PITPNM2: variants seen among roughly 807,000 people sequenced by gnomAD.
PITPNM2 encodes phosphatidylinositol transfer protein membrane associated 2.
A neutral mutation model predicts 132.2 loss-of-function variants in PITPNM2; 35 were observed. That is an observed-to-expected ratio of 0.26 (90% CI 0.20 to 0.35). The LOEUF is 0.35. PITPNM2 is among the 10% of genes least tolerant of loss of function. PITPNM2 has a pLI of 1.00. For missense variants in PITPNM2, 1,332 were observed against 1,912.0 expected, an observed-to-expected ratio of 0.70 and a Z score of 5.66; for synonymous variants, 738 against 799.2, an observed-to-expected ratio of 0.92 and a Z score of 1.29.
chr12:123,137,893 A>AG (rs1449665069), intron 1 of PITPNM2, among the ~76,000 whole-genome samples: 2 of 32,022 alleles, frequency 6.2e-5, no homozygotes, highest in Non-Finnish European at 4.4e-4. Flanking sequence ...ATTCTGTCTC[A>AG]AAAAAAAAAA....
chr12:123,017,095 G>A (rs1409698210), intron 3 of PITPNM2, among the ~76,000 whole-genome samples: 2 of 150,718 alleles, frequency 1.3e-5, no homozygotes, highest in Non-Finnish European at 2.9e-5. Context: ...AGCAGGGCAG[G>A]CATGGTGGCT....
chr12:123,044,832 G>A (rs2040601820), intron 2 of PITPNM2, among the ~76,000 whole-genome samples: 1 of 152,124 alleles, frequency 6.6e-6, no homozygotes, highest in South Asian at 2.1e-4. Flanking sequence ...ACCCAGGCTA[G>A]ATAGAACACA....
At chr12:122,991,552 C>G (rs73411015) in intron 16 of PITPNM2, among the ~76,000 whole-genome samples, 6,544 of 152,288 alleles carry the variant, frequency 0.043, 462 homozygotes, top group African/African-American at 0.15. Context: ...TTTGCTTTGG[C>G]TCTGCCCTGC....
chr12:123,050,263 G>A (rs2040815563), intron 2 of PITPNM2, among the ~76,000 whole-genome samples: 1 of 152,188 alleles, frequency 6.6e-6, no homozygotes, highest in Admixed American at 6.5e-5. Flanking sequence ...CAGCCCAAAT[G>A]CCCTTAGTAT....
Position 123,078,662 on chromosome 12 carries a change from C to T in PITPNM2, c.-96+31723G>A, listed in dbSNP as rs745547360. 6.6e-6 allele frequency among the ~76,000 whole-genome samples: 1 copy of T among 152,196 alleles called. No homozygotes were observed. Among genetic ancestry groups the T allele is most frequent in the Non-Finnish European group, 1.5e-5 (1 of 68,042 alleles). On this transcript the variant is annotated intron_variant, in intron 2 of 25. Coordinates refer to ENST00000320201, the MANE Select transcript of PITPNM2 (RefSeq NM_020845.3). This position sits in a 1 kb window ranked among gnomAD's most constrained non-coding sequence, Gnocchi z 7.3. The stretch of plus-strand genomic sequence containing the variant: ...GGGATACCCACCTATGGAAGGGCTC[C>T]GATGGCCCAGTGCCACCCATGTGGG...
intron 1 of PITPNM2, among the ~76,000 whole-genome samples, chr12:123,134,468 G>C (rs1164478301): frequency 6.6e-6 from 1 of 152,112 alleles, no homozygotes; most frequent in Non-Finnish European, 1.5e-5. Context: ...CAGGGTCCTG[G>C]ACAAATGGGC....
At chr12:123,138,291 T>C (rs1325315501) in intron 1 of PITPNM2, among the ~76,000 whole-genome samples, 1 of 151,508 alleles carries the variant, frequency 6.6e-6, no homozygotes, top group African/African-American at 2.4e-5. Flanking sequence ...TGCAAAAAAA[T>C]ACAAAAATTA....
chr12:123,067,013 T>G (rs1020743418), intron 2 of PITPNM2, among the ~76,000 whole-genome samples: 1 of 152,208 alleles, frequency 6.6e-6, no homozygotes, highest in African/African-American at 2.4e-5. Flanking sequence ...CCTCCCCAAA[T>G]TCACATCTAA....
In PITPNM2 at chr12:123,099,965, T is replaced by C. The variant is rs899628804; in HGVS notation, c.-96+10420A>G. Among the ~76,000 whole-genome samples the C allele has an allele frequency of 2.0e-5, 3 of 152,190 alleles. No individual in the cohort carries two copies. The highest frequency in any genetic ancestry group is 4.4e-5 in the Non-Finnish European group (3 of 68,036). On this transcript the variant is annotated intron_variant, in intron 2 of 25. Transcript: ENST00000320201. The surrounding 1 kb of genome is among the most constrained non-coding windows in gnomAD (Gnocchi z 4.2). Reference sequence around the variant, plus strand: ...GAGCACCCAGGTGTGCAGGCATCCATGCCCGGGGGAAGTAAGAATTGCAGG... The same window carrying C: ...GAGCACCCAGGTGTGCAGGCATCCACGCCCGGGGGAAGTAAGAATTGCAGG...
chr12:123,118,468 G>A (rs2042971284), intron 1 of PITPNM2, among the ~76,000 whole-genome samples: 1 of 152,210 alleles, frequency 6.6e-6, no homozygotes, highest in African/African-American at 2.4e-5. Context: ...CAATCTAAAA[G>A]CAAATGAGTA....
At chr12:123,080,566 C>A (rs1008213192) in intron 2 of PITPNM2, among the ~76,000 whole-genome samples, 3 of 152,242 alleles carry the variant, frequency 2.0e-5, no homozygotes, top group Non-Finnish European at 4.4e-5. Flanking sequence ...CCAGCTGGCC[C>A]TGGGGCCCAA....
intron 1 of PITPNM2, among the ~76,000 whole-genome samples, chr12:123,149,325 C>T (rs1209897372): frequency 6.6e-6 from 1 of 152,224 alleles, no homozygotes; most frequent in Non-Finnish European, 1.5e-5. Context: ...AGAGGATGTA[C>T]TGTCCTGTTC....
Position 122,985,969 on chromosome 12 carries a change from G to T in PITPNM2, c.*58C>A. On this transcript the variant is annotated 3_prime_UTR_variant, in exon 26 of 26. Transcript: ENST00000320201. The stretch of plus-strand genomic sequence containing the variant: ...GCGTGTGCCCAGGCCAGGCCTCCTG[G>T]CGGGGCTGGCCACCCTGGCCTAGCA... The T allele has an allele frequency of 1.5e-6, 2 of 1,342,994 alleles. No homozygotes were observed. The highest frequency in any genetic ancestry group is 1.5e-5 in the African/African-American group (1 of 64,536). The allele number at this position is 1,342,994 out of a possible 1,614,324, so 83.2% of individuals were successfully genotyped here.
intron 11 of PITPNM2, 118 bp from the exon 12 acceptor site, chr12:122,997,028 G>A (rs539000215): frequency 1.7e-5 from 19 of 1,115,848 alleles, no homozygotes; most frequent in Middle Eastern, 3.1e-4. Context: ...GACCCTTCCC[G>A]GCCAGGGCCT....
At chr12:123,046,278 C>T (rs1052014766) in intron 2 of PITPNM2, among the ~76,000 whole-genome samples, 9 of 149,386 alleles carry the variant, frequency 6.0e-5, no homozygotes, top group Non-Finnish European at 8.8e-5. Flanking sequence ...ACAGCCCCCA[C>T]CCTCTGGCAG....
rs1303185483 is a variant in PITPNM2, at chr12:123,022,759, C to T, written c.79-8717G>A. The stretch of plus-strand genomic sequence containing the variant: ...AGAAACCTGCATGTGCATCAGAACC[C>T]CCAACCCCTACCTAATAGGCACCAG... On this transcript the variant is annotated intron_variant, in intron 3 of 25. Transcript: ENST00000320201. This position sits in a 1 kb window ranked among gnomAD's most constrained non-coding sequence, Gnocchi z 4.9. Among the ~76,000 whole-genome samples the T allele has an allele frequency of 6.6e-6, 1 of 152,202 alleles. No homozygotes were observed. The highest frequency in any genetic ancestry group is 1.5e-5 in the Non-Finnish European group (1 of 68,044).
rs1439776964 is a variant in PITPNM2 at position 123,031,204 on chromosome 12, C to G, written c.78+3309G>C. On this transcript the variant is annotated intron_variant, in intron 3 of 25. Coordinates refer to ENST00000320201, the MANE Select transcript of PITPNM2 (RefSeq NM_020845.3). This position sits in a 1 kb window ranked among gnomAD's most constrained non-coding sequence, Gnocchi z 4.5. The stretch of plus-strand genomic sequence containing the variant: ...TCAAGTAAGCCCAAAGCCCCTAGTC[C>G]CAAAAGAATTTCTTCCAAATGCTAT... Among the ~76,000 whole-genome samples, 1 of 152,198 alleles carries G rather than the reference C, an allele frequency of 6.6e-6. No individual in the cohort carries two copies. Among genetic ancestry groups the G allele is most frequent in the Non-Finnish European group, 1.5e-5 (1 of 68,034 alleles).
intron 14 of PITPNM2, 124 bp downstream of exon 14, chr12:122,995,265 T>C: frequency 7.2e-7 from 1 of 1,383,510 alleles, no homozygotes; most frequent in South Asian, 1.4e-5. Context: ...ATTCCAGGTC[T>C]CAGGCTGGGG....
rs2042833082 is a variant in PITPNM2 at position 123,111,535 on chromosome 12, G to A, written c.-199-1047C>T. Reference sequence around the variant, plus strand: ...CTGCCAAGTGAACGGCCAGACAGAGGAGGGAGAGTGGAATTGGGGAGGTGT... The same window carrying A: ...CTGCCAAGTGAACGGCCAGACAGAGAAGGGAGAGTGGAATTGGGGAGGTGT... On this transcript the variant is annotated intron_variant, in intron 1 of 25. Coordinates refer to ENST00000320201, the MANE Select transcript of PITPNM2 (RefSeq NM_020845.3). The surrounding 1 kb of genome is among the most constrained non-coding windows in gnomAD (Gnocchi z 4.1). Among the ~76,000 whole-genome samples, 1 of 152,258 alleles carries A rather than the reference G, an allele frequency of 6.6e-6. No homozygotes were observed. Among genetic ancestry groups the A allele is most frequent in the African/African-American group, 2.4e-5 (1 of 41,468 alleles).
Sources: allele counts gnomAD v4.1 joint callset (sites outside exome capture counted in the v4.1 genomes callset), GRCh38; gene constraint gnomAD v4.1.1; non-coding constraint Gnocchi (gnomAD v3.1); transcripts MANE v1.5; gene names NCBI Gene and HGNC (gene_info 2026-07-23, HGNC 2026-07-21).